Variants in NKAIN3 observed in about 807,000 individuals in gnomAD.
NKAIN3 encodes sodium/potassium transporting ATPase interacting 3, also known as sodium/potassium-transporting ATPase subunit beta-1-interacting protein 3.
In NKAIN3, 25 loss-of-function variants were observed where a neutral mutation model predicts 30.2. The observed-to-expected ratio is 0.83, with a 90% CI of 0.60 to 1.16. The LOEUF (loss-of-function observed/expected upper bound fraction) is 1.16. NKAIN3 is among the 50% of genes most tolerant of loss of function. The pLI, the probability that NKAIN3 is intolerant of heterozygous loss-of-function variation, is 0.00. For synonymous variants in NKAIN3, 91 were observed against 89.6 expected (o/e 1.02, Z -0.09); for missense variants, 225 against 254.1 (o/e 0.89, Z 0.78).
At chr8:62,913,446 G>A (rs532596582) in intron 4 of NKAIN3, among the ~76,000 whole-genome samples, 28 of 152,216 alleles carry the variant, frequency 1.8e-4, no homozygotes, top group South Asian at 1.5e-3. Flanking sequence ...CATCACTGAC[G>A]GAAATGCTGT....
intron 3 of NKAIN3, among the ~76,000 whole-genome samples, chr8:62,671,321 C>G (rs552424311): frequency 1.6e-4 from 24 of 152,028 alleles, no homozygotes; most frequent in Non-Finnish European, 2.8e-4. Flanking sequence ...GCATTCTTGA[C>G]AAACAATAGT....
At chr8:62,993,937 T>A (rs1804044448) in intron 5 of NKAIN3, among the ~76,000 whole-genome samples, 1 of 152,176 alleles carries the variant, frequency 6.6e-6, no homozygotes, top group South Asian at 2.1e-4. Flanking sequence ...TTATAAACCA[T>A]CTTATCTAAC....
chr8:62,348,340 T>C (rs573515236), intron 1 of NKAIN3, among the ~76,000 whole-genome samples: 1 of 152,306 alleles, frequency 6.6e-6, no homozygotes, highest in Admixed American at 6.5e-5. Flanking sequence ...GATGACATAA[T>C]TTTTTAGGCA....
intron 4 of NKAIN3, among the ~76,000 whole-genome samples, chr8:62,897,488 C>T (rs1363622524): frequency 1.3e-5 from 2 of 151,958 alleles, no homozygotes; most frequent in East Asian, 3.9e-4. Flanking sequence ...TAAAGAGTCC[C>T]AATGGGGACA....
chr8:62,841,789 C>T (rs1229111504), intron 4 of NKAIN3, among the ~76,000 whole-genome samples: 1 of 152,116 alleles, frequency 6.6e-6, no homozygotes, highest in Non-Finnish European at 1.5e-5. Flanking sequence ...GCAGATATCT[C>T]TTTGGCATAC....
At chr8:62,669,603 G>A (rs549150117) in intron 3 of NKAIN3, among the ~76,000 whole-genome samples, 2 of 152,228 alleles carry the variant, frequency 1.3e-5, no homozygotes, top group African/African-American at 4.8e-5. Context: ...AAAAAAAACA[G>A]TACAAAAGAC....
intron 4 of NKAIN3, among the ~76,000 whole-genome samples, chr8:62,852,021 G>C (rs1475738472): frequency 6.6e-6 from 1 of 151,718 alleles, no homozygotes; most frequent in East Asian, 1.9e-4. Flanking sequence ...GAATAGTTTA[G>C]AAGGAAAGGT....
intron 3 of NKAIN3, among the ~76,000 whole-genome samples, chr8:62,633,063 G>A (rs1449279241): frequency 6.6e-6 from 1 of 151,994 alleles, no homozygotes; most frequent in Non-Finnish European, 1.5e-5. Flanking sequence ...TGGGATTAGA[G>A]CAGGGCCTTG....
Position 62,665,016 on chromosome 8 carries a change from G to A in NKAIN3, c.273+75222G>A, listed in dbSNP as rs183229003. Among the ~76,000 whole-genome samples the A allele has an allele frequency of 1.6e-4, 24 of 152,012 alleles. No individual in the cohort carries two copies. The East Asian group carries it at 2.7e-3, about 17-fold the overall frequency. On this transcript the variant is annotated intron_variant, in intron 3 of 6. Transcript: ENST00000623646. ...AAATTTCTACTTGAACTTATTCTAC[G>A]ATCTTGTGGCTCAAAATGTGTTACT...
At chr8:62,641,768 G>A (rs1442150838) in intron 3 of NKAIN3, among the ~76,000 whole-genome samples, 2 of 152,146 alleles carry the variant, frequency 1.3e-5, no homozygotes, top group Admixed American at 1.3e-4. Context: ...GAGAATGTGT[G>A]TGAGAACGAA....
intron 4 of NKAIN3, among the ~76,000 whole-genome samples, chr8:62,768,149 G>A (rs967160129): frequency 2.6e-5 from 4 of 152,040 alleles, no homozygotes; most frequent in African/African-American, 9.7e-5. Context: ...GTGTAAAAAC[G>A]ATTTTGTGCC....
At chr8:62,582,149 T>TC (rs201999078) in intron 2 of NKAIN3, among the ~76,000 whole-genome samples, 2 of 61,232 alleles carry the variant, frequency 3.3e-5, no homozygotes, top group East Asian at 3.7e-4. Context: ...CTTCCTTCCT[T>TC]CTTCTTTCCC....
At chr8:62,306,975 G>T (rs765358727) in intron 1 of NKAIN3, among the ~76,000 whole-genome samples, 6 of 150,160 alleles carry the variant, frequency 4.0e-5, no homozygotes, top group Admixed American at 1.3e-4. Flanking sequence ...TACATTGGAA[G>T]AATCAGGAAA....
chr8:62,972,138 A>G lies in NKAIN3; in HGVS notation c.*6731A>G, dbSNP rs1245878239. 3.3e-5 allele frequency among the ~76,000 whole-genome samples: 5 copies of G among 152,150 alleles called. No individual in the cohort carries two copies. Among genetic ancestry groups the G allele is most frequent in the Non-Finnish European group, 5.9e-5 (4 of 68,032 alleles). On this transcript the variant is annotated 3_prime_UTR_variant, in exon 7 of 7. Transcript: ENST00000623646. ...TTGTTATTTTCTTGTTATTCAGTTTAACAAGTACATAATCAACATCAGTGC... is the reference window on the plus strand; with the variant it reads ...TTGTTATTTTCTTGTTATTCAGTTTGACAAGTACATAATCAACATCAGTGC...
chr8:62,962,179 G>A (rs1823587897), intron 6 of NKAIN3, among the ~76,000 whole-genome samples: 1 of 152,006 alleles, frequency 6.6e-6, no homozygotes, highest in East Asian at 1.9e-4. Context: ...TAATAGACTG[G>A]GGGTAGAAAT....
intron 3 of NKAIN3, among the ~76,000 whole-genome samples, chr8:62,704,886 A>G (rs934542491): frequency 2.1e-4 from 32 of 152,332 alleles, no homozygotes; most frequent in African/African-American, 7.2e-4. Context: ...TTGTTGAGTG[A>G]ATAAATGATT....
chr8:62,412,434 C>T (rs921495298), intron 1 of NKAIN3, among the ~76,000 whole-genome samples: 13 of 151,978 alleles, frequency 8.6e-5, no homozygotes, highest in Non-Finnish European at 1.8e-4. Context: ...CAAAAATTAA[C>T]TCGAAATGGA....
At position 62,953,974 on chromosome 8, in the gene NKAIN3, T is replaced by A; in HGVS notation, c.603+2T>A. 1 of 957,746 alleles carries A rather than the reference T, an allele frequency of 1.0e-6. No individual in the cohort carries two copies. Among genetic ancestry groups the A allele is most frequent in the Non-Finnish European group, 1.2e-6 (1 of 804,322 alleles). 59.3% of individuals were successfully genotyped at this position (957,746 alleles called of 1,614,324 possible). On this transcript the variant is annotated splice_donor_variant, in intron 6 of 6. Coordinates refer to ENST00000623646, the MANE Select transcript of NKAIN3 (RefSeq NM_001304533.3). LOFTEE classifies it high-confidence loss of function. ...GTTGAGTTAAAGCCTGTTAAACCAG[T>A]AAGTAAAGGTGTGATGATATGGAAA... is the stretch of plus-strand genomic sequence containing the variant.
chr8:62,909,001 T>G (rs1821859272), intron 4 of NKAIN3, among the ~76,000 whole-genome samples: 1 of 152,164 alleles, frequency 6.6e-6, no homozygotes, highest in African/African-American at 2.4e-5. Flanking sequence ...CTTCTCTGAG[T>G]TCCCTGGAGG....
Sources: gnomAD v4.1 joint callset for allele counts (sites outside exome capture counted in the v4.1 genomes callset) on GRCh38, gnomAD v4.1.1 for gene constraint, MANE v1.5 for transcripts, NCBI Gene and HGNC (gene_info 2026-07-23, HGNC 2026-07-21) for gene names.